The following FAM216A variants were observed in gnomAD, a reference collection of about 807,000 sequenced individuals.
FAM216A encodes family with sequence similarity 216 member A, also known as protein FAM216A.
FAM216A carries 26 observed loss-of-function variants against 37.6 expected under a neutral mutation model. The observed-to-expected ratio is 0.69, with a 90% CI of 0.51 to 0.96. The LOEUF is 0.96. Ranked by LOEUF, FAM216A falls within the 40% of genes least tolerant of loss-of-function variation. The pLI is 0.00. For synonymous variants in FAM216A, 110 were observed against 121.7 expected (o/e 0.90, Z 0.64); for missense variants, 326 against 339.3 (o/e 0.96, Z 0.31).
chr12:110,485,044 G>T (rs541484592), intron 2 of FAM216A, 34 bp from the exon 3 acceptor site: 4 of 1,588,398 alleles, frequency 2.5e-6, no homozygotes, highest in Non-Finnish European at 3.4e-6. Context: ...ACTGATCTTT[G>T]CCTCTGAAAT....
chr12:110,487,552 C>G, intron 5 of FAM216A: 1 of 270,706 alleles, frequency 3.7e-6, no homozygotes, highest in Non-Finnish European at 6.9e-6. Flanking sequence ...GATGACTGCC[C>G]TTTTCAATAT....
chr12:110,490,237 TTAAG>T lies in FAM216A; in HGVS notation c.*104_*107del. The stretch of plus-strand genomic sequence containing the variant: ...GATGGTATTGTTATTTATTAAATCA[TTAAG>T]TAATTTTGGTTTGTTCAGAAACTTA... On this transcript the variant is annotated 3_prime_UTR_variant, in exon 7 of 7. Coordinates refer to ENST00000377673, the MANE Select transcript of FAM216A (RefSeq NM_013300.3). The T allele has an allele frequency of 1.3e-6, 1 of 741,216 alleles. No homozygotes were observed. The highest frequency in any genetic ancestry group is 2.4e-6 in the Non-Finnish European group (1 of 414,850). 45.9% of individuals were successfully genotyped at this position (741,216 alleles called of 1,614,324 possible).
chr12:110,468,996 G>T lies in FAM216A; in HGVS notation c.121G>T (p.Gly41Trp). 1.3e-6 allele frequency: 2 copies of T among 1,489,964 alleles called. No homozygotes were observed. Among genetic ancestry groups the T allele is most frequent in the Non-Finnish European group, 1.8e-6 (2 of 1,121,158 alleles). The allele number at this position is 1,489,964 out of a possible 1,614,324, so 92.3% of individuals were successfully genotyped here. Residue 41 changes from glycine to tryptophan, a missense_variant, in exon 1 of 7, where the codon GGG (glycine) becomes TGG (tryptophan). Physicochemically the swap from Gly to Trp is radical, Grantham distance 184. Coordinates refer to ENST00000377673, the MANE Select transcript of FAM216A (RefSeq NM_013300.3). ...TTCTGCAGAGCCGCCCGCTGTGGCC[G>T]GGACCGAGGGTGGCGGCGGCGGGTG... is the stretch of plus-strand genomic sequence containing the variant. The part of the protein sequence containing the change: ...SSSAEPPAVA[G>W]TEGGGGGSAG...
chr12:110,469,740 C>A (rs1414402796), intron 1 of FAM216A, among the ~76,000 whole-genome samples: 2 of 152,046 alleles, frequency 1.3e-5, no homozygotes, highest in African/African-American at 4.8e-5. Context: ...GAACCCCTGA[C>A]CTCAAGTGAG....
chr12:110,478,662 A>G (rs922010464), intron 2 of FAM216A, among the ~76,000 whole-genome samples: 1 of 152,146 alleles, frequency 6.6e-6, no homozygotes, highest in Non-Finnish European at 1.5e-5. Flanking sequence ...AATTCTGCCA[A>G]CAACCTGAAT....
intron 6 of FAM216A, among the ~76,000 whole-genome samples, chr12:110,488,428 GAAA>G (rs1230481770): frequency 6.4e-4 from 92 of 143,082 alleles, no homozygotes; most frequent in African/African-American, 1.9e-3. Flanking sequence ...AAAAAAAAAA[GAAA>G]AGAAAAGAAA....
intron 1 of FAM216A, among the ~76,000 whole-genome samples, chr12:110,471,037 G>C (rs973210879): frequency 2.0e-5 from 3 of 152,136 alleles, no homozygotes; most frequent in African/African-American, 7.2e-5. Context: ...TCTGAAAGGG[G>C]AAGTGATCTG....
intron 6 of FAM216A, 130 bp downstream of exon 6, chr12:110,488,073 A>G: frequency 1.6e-6 from 1 of 640,934 alleles, no homozygotes; most frequent in Non-Finnish European, 2.7e-6. Flanking sequence ...TATTGTCACA[A>G]ATAAAAAACC....
intron 5 of FAM216A, chr12:110,487,083 A>C (rs1277690218): frequency 5.8e-6 from 1 of 172,376 alleles, no homozygotes; most frequent in African/African-American, 2.4e-5. Flanking sequence ...TGTGTTCCCT[A>C]ATATATTCAC....
chr12:110,474,017 T>A (rs996117214), intron 2 of FAM216A, among the ~76,000 whole-genome samples: 1 of 152,160 alleles, frequency 6.6e-6, no homozygotes, highest in Non-Finnish European at 1.5e-5. Context: ...CAGTGATACA[T>A]AAACCTGGGT....
intron 6 of FAM216A, among the ~76,000 whole-genome samples, chr12:110,488,412 A>C (rs893476942): frequency 2.1e-5 from 3 of 143,856 alleles, no homozygotes; most frequent in African/African-American, 7.5e-5. Flanking sequence ...CTCCATCTCA[A>C]AAAAAAAAAA....
In FAM216A at chr12:110,484,172, T is replaced by C. The variant is rs558141807; in HGVS notation, c.185-906T>C. Among the ~76,000 whole-genome samples, 4 of 152,034 alleles carry C rather than the reference T, an allele frequency of 2.6e-5. No homozygotes were observed. In the South Asian group the frequency reaches 8.3e-4, roughly 32 times the overall value. The stretch of plus-strand genomic sequence containing the variant: ...GGCCGGGCGCCGTGGCTCACGCCTG[T>C]AATCCCAGCACTTTGGGAGGCTGAG... On this transcript the variant is annotated intron_variant, in intron 2 of 6. Coordinates refer to ENST00000377673, the MANE Select transcript of FAM216A (RefSeq NM_013300.3).
chr12:110,482,442 C>T (rs777619785), intron 2 of FAM216A, among the ~76,000 whole-genome samples: 1 of 151,986 alleles, frequency 6.6e-6, no homozygotes, highest in Non-Finnish European at 1.5e-5. Flanking sequence ...GTGGAAACTA[C>T]CCAAATGTCT....
chr12:110,475,986 C>T (rs1389540718), intron 2 of FAM216A, among the ~76,000 whole-genome samples: 1 of 152,086 alleles, frequency 6.6e-6, no homozygotes, highest in Non-Finnish European at 1.5e-5. Context: ...AATCTGAACA[C>T]CTCGGCCTCC....
intron 2 of FAM216A, among the ~76,000 whole-genome samples, chr12:110,476,568 C>T (rs73191814): frequency 0.11 from 17,178 of 151,464 alleles, 1,191 homozygotes; most frequent in African/African-American, 0.2. Context: ...ACTCTGTCGC[C>T]CAGGCTGGAG....
At chr12:110,484,449 A>G (rs983276890) in intron 2 of FAM216A, among the ~76,000 whole-genome samples, 3 of 149,854 alleles carry the variant, frequency 2.0e-5, no homozygotes, top group Non-Finnish European at 4.4e-5. Flanking sequence ...AAAAAAAAAA[A>G]AAAAAACTAT....
intron 6 of FAM216A, among the ~76,000 whole-genome samples, chr12:110,488,176 G>A (rs1249405161): frequency 4.6e-5 from 7 of 152,066 alleles, no homozygotes; most frequent in Admixed American, 3.3e-4. Flanking sequence ...TTGGGAGGCC[G>A]AGTCAGGCAG....
chr12:110,484,455 A>AC lies in FAM216A; in HGVS notation c.185-622dup, dbSNP rs1341810719. 3.4e-3 allele frequency among the ~76,000 whole-genome samples: 465 copies of AC among 138,668 alleles called. 4 individuals are homozygous for AC. Among genetic ancestry groups the AC allele is most frequent in the Non-Finnish European group, 5.7e-3 (366 of 63,724 alleles). 91.0% of individuals were successfully genotyped at this position (138,668 alleles called of 152,430 possible). ...AAAAAAAAAAAAAAAAAAAAAAAAA[A>AC]CTATATAGTAAAGTTAAATGATAAT... On this transcript the variant is annotated intron_variant, in intron 2 of 6. Transcript: ENST00000377673.
In FAM216A at chr12:110,485,187, G is replaced by A. The variant is rs778350925; in HGVS notation, c.294G>A (p.Ala98=). 36 of 1,607,916 alleles carry A rather than the reference G, an allele frequency of 2.2e-5. No homozygotes were observed. Among genetic ancestry groups the A allele is most frequent in the East Asian group, 8.9e-5 (4 of 44,738 alleles). ...ACCTCTCTAAATCAATGATGGAGGC[G>A]TCCTTTTTCAAGGTATGCTAACAGG... ...TIHLSKSMME[A]SFFKHPDLTT... is the part of the protein sequence containing the mutation. The change falls in exon 3 of 7, where the codon GCG becomes GCA. Residue 98 remains alanine, a synonymous_variant. Transcript: ENST00000377673.
Sources: allele counts gnomAD v4.1 joint callset (sites outside exome capture counted in the v4.1 genomes callset), GRCh38; gene constraint gnomAD v4.1.1; transcripts MANE v1.5; gene names NCBI Gene and HGNC (gene_info 2026-07-23, HGNC 2026-07-21).